CDH18: variants seen among roughly 807,000 people sequenced by gnomAD.
CDH18 encodes the protein cadherin 18, also known as cadherin-18.
Under a neutral mutation model 67.9 loss-of-function variants are expected in CDH18, and 31 were observed. The observed-to-expected ratio is 0.46, with a 90% CI of 0.34 to 0.62. The LOEUF (loss-of-function observed/expected upper bound fraction) is 0.62, where lower values mean the gene tolerates loss of function less well. Among genes scored for constraint, CDH18 ranks in the 20% least tolerant of loss-of-function variants. CDH18 has a pLI of 0.01. For missense variants in CDH18, 890 were observed against 975.5 expected, an observed-to-expected ratio of 0.91 and a Z score of 1.17; for synonymous variants, 362 against 347.2, an observed-to-expected ratio of 1.04 and a Z score of -0.48.
chr5:19,571,440 C>A lies in CDH18; in HGVS notation c.1253+139G>T, dbSNP rs139625337. On this transcript the variant is annotated intron_variant, in intron 8 of 12. Coordinates refer to ENST00000382275, the MANE Select transcript of CDH18 (RefSeq NM_004934.5). ...AACTGCTAAGCTACACAGTTAAAATCAATTAATATTATAATTTAATTATAT... is the reference window on the plus strand; with the variant it reads ...AACTGCTAAGCTACACAGTTAAAATAAATTAATATTATAATTTAATTATAT... 6.3e-6 allele frequency: 5 copies of A among 789,638 alleles called. No homozygotes were observed. The African/African-American group carries it at 7.0e-5, about 11-fold the overall frequency. The allele number at this position is 789,638 out of a possible 1,614,324, so 48.9% of individuals were successfully genotyped here.
At chr5:20,294,561 G>T (rs1324074201) in intron 1 of CDH18, among the ~76,000 whole-genome samples, 1 of 152,154 alleles carries the variant, frequency 6.6e-6, no homozygotes, top group Non-Finnish European at 1.5e-5. Context: ...AATGAGGAAA[G>T]CAGATTACAA....
chr5:20,106,348 G>A (rs138769956), intron 2 of CDH18, among the ~76,000 whole-genome samples: 1 of 152,056 alleles, frequency 6.6e-6, no homozygotes, highest in Non-Finnish European at 1.5e-5. Flanking sequence ...TTTTCTTAAC[G>A]CTGTTTACAC....
At chr5:19,765,860 T>C (rs1389614927) in intron 3 of CDH18, among the ~76,000 whole-genome samples, 2 of 144,134 alleles carry the variant, frequency 1.4e-5, no homozygotes, top group Non-Finnish European at 3.0e-5. Flanking sequence ...TCATTAAAAA[T>C]GGAAATTTTA....
At chr5:19,952,101 C>T (rs1250584764) in intron 2 of CDH18, among the ~76,000 whole-genome samples, 6 of 151,876 alleles carry the variant, frequency 4.0e-5, no homozygotes, top group Admixed American at 1.3e-4. Flanking sequence ...CAGGCTGGAG[C>T]GCAGTGGCGC....
At chr5:20,177,408 A>T (rs1389847767) in intron 2 of CDH18, among the ~76,000 whole-genome samples, 1 of 152,176 alleles carries the variant, frequency 6.6e-6, no homozygotes, top group Non-Finnish European at 1.5e-5. Flanking sequence ...ATATGAATCC[A>T]TTTGAGAACA....
intron 2 of CDH18, among the ~76,000 whole-genome samples, chr5:20,241,894 A>ATGTG (rs754188567): frequency 0.53 from 74,212 of 141,194 alleles, 19,748 homozygotes; most frequent in Middle Eastern, 0.64. Flanking sequence ...ATATATATGT[A>ATGTG]TATATATATA....
At chr5:20,565,716 A>T (rs1321077701) in intron 1 of CDH18, among the ~76,000 whole-genome samples, 1 of 151,252 alleles carries the variant, frequency 6.6e-6, no homozygotes, top group African/African-American at 2.4e-5. Flanking sequence ...TCAACATTCC[A>T]GTCTTCCTGA....
chr5:19,539,791 A>G lies in CDH18; in HGVS notation c.1390+4078T>C, dbSNP rs143741334. ...GAACAGCCTGGAAAAGACGAGGTCC[A>G]TGATTCAATTACCTCCCACCAGCTC... is the stretch of plus-strand genomic sequence containing the variant. On this transcript the variant is annotated intron_variant, in intron 9 of 12. Coordinates refer to ENST00000382275, the MANE Select transcript of CDH18 (RefSeq NM_004934.5). Among the ~76,000 whole-genome samples the G allele has an allele frequency of 8.0e-3, 1,217 of 152,314 alleles. 12 individuals carry two copies. The highest frequency in any genetic ancestry group is 0.014 in the Non-Finnish European group (978 of 68,024).
chr5:20,300,158 A>G (rs116109338), intron 1 of CDH18, among the ~76,000 whole-genome samples: 2,393 of 152,242 alleles, frequency 0.016, 34 homozygotes, highest in South Asian at 0.042. Flanking sequence ...GCAAAATCTT[A>G]GTTTAAAGAG....
chr5:19,477,227 G>C (rs1738629113), intron 12 of CDH18, among the ~76,000 whole-genome samples: 1 of 150,940 alleles, frequency 6.6e-6, no homozygotes, highest in Non-Finnish European at 1.5e-5. Flanking sequence ...CAGGACATCA[G>C]GGCAAATGCA....
rs1275722116 is a variant in CDH18, at chr5:19,493,537, G to GGGGT, written c.1630+9454_1630+9455insACCC. On this transcript the variant is annotated intron_variant, in intron 11 of 12. Transcript: ENST00000382275. ...TAAAATGTCAGCCCGAGGGAATTGGGGTGTGTGTGTGTGTGTGTGTGTGTG... is the reference window on the plus strand; with the variant it reads ...TAAAATGTCAGCCCGAGGGAATTGGGGGGTGTGTGTGTGTGTGTGTGTGTGTGTG... 2.4e-3 allele frequency among the ~76,000 whole-genome samples: 350 copies of GGGGT among 148,030 alleles called. 2 individuals carry two copies. Among genetic ancestry groups the GGGGT allele is most frequent in the African/African-American group, 8.2e-3 (330 of 40,340 alleles).
chr5:19,501,251 T>G (rs1014549909), intron 11 of CDH18, among the ~76,000 whole-genome samples: 3 of 145,694 alleles, frequency 2.1e-5, no homozygotes, highest in Non-Finnish European at 4.5e-5. Flanking sequence ...ATATATAATT[T>G]TAATTTAATT....
chr5:19,623,534 A>G (rs910951984), intron 5 of CDH18, among the ~76,000 whole-genome samples: 2 of 152,168 alleles, frequency 1.3e-5, no homozygotes, highest in African/African-American at 4.8e-5. Context: ...AAATATTATC[A>G]TATAGACATA....
chr5:20,000,737 G>A (rs1473398103), intron 2 of CDH18, among the ~76,000 whole-genome samples: 1 of 151,782 alleles, frequency 6.6e-6, no homozygotes, highest in Non-Finnish European at 1.5e-5. Flanking sequence ...AGTTTCTAGG[G>A]GATCAGTGAT....
At chr5:20,446,332 C>A (rs529688398) in intron 1 of CDH18, among the ~76,000 whole-genome samples, 1 of 152,072 alleles carries the variant, frequency 6.6e-6, no homozygotes, top group African/African-American at 2.4e-5. Flanking sequence ...TTAGTGACAG[C>A]CTTGTCTGCT....
At position 19,549,769 on chromosome 5, in the gene CDH18, A is replaced by AAAGAAAGAAAGG. The variant is rs775675129; in HGVS notation, c.1254-5776_1254-5765dup. 5.4e-3 allele frequency among the ~76,000 whole-genome samples: 703 copies of AAAGAAAGAAAGG among 129,396 alleles called. 5 individuals are homozygous for AAAGAAAGAAAGG. The highest frequency in any genetic ancestry group is 9.9e-3 in the Non-Finnish European group (594 of 59,892). The allele number at this position is 129,396 out of a possible 152,430, so 84.9% of individuals were successfully genotyped here. ...AAAAGAAAAAGAAAGAAAGAAAAAG[A>AAAGAAAGAAAGG]AAGAAAGAAAGGAAGAAAGAAAGGA... On this transcript the variant is annotated intron_variant, in intron 8 of 12. Coordinates refer to ENST00000382275, the MANE Select transcript of CDH18 (RefSeq NM_004934.5).
upstream of CDH18, among the ~76,000 whole-genome samples, chr5:19,988,557 C>G (rs1799788617): frequency 6.6e-6 from 1 of 152,060 alleles, no homozygotes; most frequent in Admixed American, 6.6e-5. Flanking sequence ...TGAAAAATGA[C>G]GGCCAGGACT....
At chr5:20,072,884 T>C (rs1320354080) in intron 2 of CDH18, among the ~76,000 whole-genome samples, 1 of 152,034 alleles carries the variant, frequency 6.6e-6, no homozygotes, top group African/African-American at 2.4e-5. Flanking sequence ...TATTTTCATA[T>C]ATACGTATAT....
intron 2 of CDH18, among the ~76,000 whole-genome samples, chr5:19,915,666 A>T (rs1184861472): frequency 1.3e-5 from 2 of 151,890 alleles, no homozygotes. Flanking sequence ...ATTATACTGA[A>T]TTTATAACAT....
Sources: allele counts gnomAD v4.1 joint callset (sites outside exome capture counted in the v4.1 genomes callset), GRCh38; gene constraint gnomAD v4.1.1; transcripts MANE v1.5; gene names NCBI Gene and HGNC (gene_info 2026-07-23, HGNC 2026-07-21).